SLC44A5: variants seen among roughly 807,000 people sequenced by gnomAD.
The protein encoded by SLC44A5 is choline transporter-like protein 5.
In SLC44A5, 57 loss-of-function variants were observed where a neutral mutation model predicts 101.8. The ratio of observed to expected loss-of-function variants is 0.56; its 90% CI spans 0.45 to 0.70. The LOEUF (loss-of-function observed/expected upper bound fraction) is 0.70, where lower values mean the gene tolerates loss of function less well. SLC44A5 is among the 30% of genes least tolerant of loss of function. The probability of loss-of-function intolerance (pLI) is 0.00; values close to 1 mark genes in which losing one functional copy is unlikely to be tolerated. For synonymous variants in SLC44A5, 281 were observed against 290.9 expected, an observed-to-expected ratio of 0.97 and a Z score of 0.35; for missense variants, 737 against 853.1, an observed-to-expected ratio of 0.86 and a Z score of 1.70.
At chr1:75,455,747 A>G (rs1666151327) in intron 2 of SLC44A5, among the ~76,000 whole-genome samples, 2 of 152,150 alleles carry the variant, frequency 1.3e-5, no homozygotes, top group African/African-American at 2.4e-5. Flanking sequence ...GCCAACAAAT[A>G]TATGAAAAGA....
chr1:75,629,288 A>G, the SLC44A5 span, among the ~76,000 whole-genome samples: 1 of 152,164 alleles, frequency 6.6e-6, no homozygotes, highest in Non-Finnish European at 1.5e-5. Flanking sequence ...ATGGAAAGGG[A>G]AACATAAAAC....
At chr1:75,719,208 G>T in the SLC44A5 span, among the ~76,000 whole-genome samples, 7 of 152,178 alleles carry the variant, frequency 4.6e-5, no homozygotes, top group Non-Finnish European at 8.8e-5. Flanking sequence ...GAGACCTCAA[G>T]AAGAGAGAAA....
chr1:75,674,629 AC>A, the SLC44A5 span, among the ~76,000 whole-genome samples: 1 of 1,420 alleles, frequency 7.0e-4, no homozygotes, highest in Non-Finnish European at 2.3e-3. Flanking sequence ...ATCCCCCCCA[AC>A]CTCAGCCTCC....
At chr1:75,487,799 C>A (rs925294476) in intron 2 of SLC44A5, among the ~76,000 whole-genome samples, 1 of 152,140 alleles carries the variant, frequency 6.6e-6, no homozygotes, top group African/African-American at 2.4e-5. Flanking sequence ...GCCCAGGGGT[C>A]CCCAGTCCCC....
intron 4 of SLC44A5, among the ~76,000 whole-genome samples, chr1:75,333,804 G>T (rs1415222729): frequency 1.3e-5 from 2 of 152,116 alleles, no homozygotes; most frequent in African/African-American, 4.8e-5. Flanking sequence ...TCAAAGCAGA[G>T]GTGACCCTTG....
intron 5 of SLC44A5, among the ~76,000 whole-genome samples, chr1:75,297,358 C>T (rs1357151442): frequency 6.6e-6 from 1 of 152,168 alleles, no homozygotes; most frequent in African/African-American, 2.4e-5. Flanking sequence ...AATCTTGGCT[C>T]ACTGCAACAT....
chr1:75,602,666 T>C (rs1182525656), intron 1 of SLC44A5, among the ~76,000 whole-genome samples: 2 of 152,098 alleles, frequency 1.3e-5, no homozygotes, highest in Non-Finnish European at 2.9e-5. Context: ...ATGACATTCT[T>C]GTGCAACCAA....
chr1:75,601,690 T>C (rs1674993911), intron 1 of SLC44A5, among the ~76,000 whole-genome samples: 1 of 152,128 alleles, frequency 6.6e-6, no homozygotes, highest in Admixed American at 6.6e-5. Flanking sequence ...GTCTGACTGA[T>C]TCCAGGAAAA....
At chr1:75,617,260 C>T in the SLC44A5 span, among the ~76,000 whole-genome samples, 1 of 152,086 alleles carries the variant, frequency 6.6e-6, no homozygotes, top group African/African-American at 2.4e-5. Flanking sequence ...CTTTCCTCCT[C>T]CTAGGTTAGT....
chr1:75,679,153 G>A, the SLC44A5 span, among the ~76,000 whole-genome samples: 1 of 152,200 alleles, frequency 6.6e-6, no homozygotes, highest in African/African-American at 2.4e-5. Context: ...ACCTGAAAGT[G>A]ATGGGGAGAA....
chr1:75,609,329 T>C (rs978950653), intron 1 of SLC44A5, among the ~76,000 whole-genome samples: 3 of 151,974 alleles, frequency 2.0e-5, no homozygotes, highest in South Asian at 4.1e-4. Context: ...AATTGGCAAG[T>C]AAAAATTTAT....
chr1:75,712,713 A>AAAAAAAAAAAAAAAAAAAAAAAC, the SLC44A5 span, among the ~76,000 whole-genome samples: 1 of 110,648 alleles, frequency 9.0e-6, no homozygotes, highest in Non-Finnish European at 1.8e-5. Context: ...AAAAAAAAAA[A>AAAAAAAAAAAAAAAAAAAAAAAC]ATGGAAAAGA....
At chr1:75,613,401 C>T (rs1320681001), upstream of SLC44A5, among the ~76,000 whole-genome samples, 1 of 152,190 alleles carries the variant, frequency 6.6e-6, no homozygotes, top group Non-Finnish European at 1.5e-5. Flanking sequence ...TAGAGCTCTC[C>T]TCTTAAAAGG....
intron 2 of SLC44A5, among the ~76,000 whole-genome samples, chr1:75,522,477 T>C (rs1253586009): frequency 1.3e-5 from 2 of 152,094 alleles, no homozygotes; most frequent in African/African-American, 4.8e-5. Flanking sequence ...ACATCTTATC[T>C]CTCTGCTTTT....
At chr1:75,505,834 G>A (rs1490367331) in intron 2 of SLC44A5, among the ~76,000 whole-genome samples, 1 of 151,968 alleles carries the variant, frequency 6.6e-6, no homozygotes, top group Non-Finnish European at 1.5e-5. Context: ...TTCTTTTGTT[G>A]TGCAAAATCT....
At chr1:75,611,900 T>C (rs1675671990), upstream of SLC44A5, among the ~76,000 whole-genome samples, 1 of 152,044 alleles carries the variant, frequency 6.6e-6, no homozygotes, top group South Asian at 2.1e-4. Context: ...TTCCACATTC[T>C]GCCTACTGCA....
the SLC44A5 span, among the ~76,000 whole-genome samples, chr1:75,690,071 A>C: frequency 1.3e-5 from 2 of 152,086 alleles, no homozygotes; most frequent in African/African-American, 4.8e-5. Flanking sequence ...CTCCCTCATC[A>C]ACACTTAAGA....
intron 4 of SLC44A5, among the ~76,000 whole-genome samples, chr1:75,301,516 A>G (rs1034036502): frequency 1.7e-4 from 26 of 152,192 alleles, no homozygotes; most frequent in African/African-American, 6.0e-4. Flanking sequence ...AGCTCATTTG[A>G]CAGAATTAAA....
chr1:75,445,588 T>C (rs973689696), intron 2 of SLC44A5, among the ~76,000 whole-genome samples: 1 of 78,728 alleles, frequency 1.3e-5, no homozygotes, highest in Non-Finnish European at 2.6e-5. Context: ...CCTGGATTTT[T>C]CTCCTCTTCC....
Sources: allele counts gnomAD v4.1 joint callset (sites outside exome capture counted in the v4.1 genomes callset), GRCh38; gene constraint gnomAD v4.1.1; transcripts MANE v1.5; gene names NCBI Gene and HGNC (gene_info 2026-07-23, HGNC 2026-07-21).